MCM4: variants seen among roughly 807,000 people sequenced by gnomAD.
The protein encoded by MCM4 is DNA replication licensing factor MCM4.
In MCM4, 60 loss-of-function variants were observed where a neutral mutation model predicts 88.7. The observed-to-expected ratio is 0.68, with a 90% confidence interval of 0.55 to 0.84. MCM4 has a LOEUF of 0.84. Among genes scored for constraint, MCM4 ranks in the 40% least tolerant of loss-of-function variants. The pLI is 0.00. For missense variants in MCM4, 1,149 were observed against 1,105.5 expected (o/e 1.04, Z -0.56); for synonymous variants, 465 against 410.5 (o/e 1.13, Z -1.61).
chr8:47,969,789 T>C lies in MCM4; in HGVS notation c.1175-9T>C. On this transcript the variant is annotated splice_polypyrimidine_tract_variant and intron_variant, in intron 10 of 16. Transcript: ENST00000649973. ...AAGGTAAAAGTGCATCTCCTGGTTG[T>C]GCCCTCAGGCATCTATCGAGCTGTG... is the stretch of plus-strand genomic sequence containing the variant. 1 of 1,613,228 alleles carries C rather than the reference T, an allele frequency of 6.2e-7. No homozygotes were observed. Among genetic ancestry groups the C allele is most frequent in the Non-Finnish European group, 8.5e-7 (1 of 1,179,128 alleles).
At chr8:47,961,486 G>T (rs1180381615) in intron 2 of MCM4, 30 bp from the exon 3 acceptor site, 1 of 1,613,166 alleles carries the variant, frequency 6.2e-7, no homozygotes, top group South Asian at 1.1e-5. Flanking sequence ...GAAAGTTAAT[G>T]GCTGTCTTTT....
At chr8:47,962,439 G>A in intron 5 of MCM4, 33 bp downstream of exon 5, 1 of 1,602,150 alleles carries the variant, frequency 6.2e-7, no homozygotes, top group East Asian at 2.2e-5. Context: ...CTTACTTTGG[G>A]CTCTGAAAAT....
chr8:47,975,043 C>A, intron 15 of MCM4, 81 bp downstream of exon 15: 1 of 1,110,358 alleles, frequency 9.0e-7, no homozygotes. Context: ...TTTAAGCTAA[C>A]AGTTAAATCA....
chr8:47,972,431 C>T lies in MCM4; in HGVS notation c.1929-426C>T, dbSNP rs144327570. ...TCCACACCAGGCAAAGATGCTTCTC[C>T]CTGATGGCGCTCACAGGGTGCACAT... On this transcript the variant is annotated intron_variant, in intron 13 of 16. Transcript: ENST00000649973. 4.3e-4 allele frequency among the ~76,000 whole-genome samples: 65 copies of T among 152,166 alleles called. No individual in the cohort carries two copies. In the East Asian group the frequency reaches 0.012, roughly 28 times the overall value.
chr8:47,966,144 A>C, intron 8 of MCM4, 43 bp from the exon 9 acceptor site: 1 of 1,533,534 alleles, frequency 6.5e-7, no homozygotes, highest in Non-Finnish European at 9.0e-7. Flanking sequence ...CTGGACCTCC[A>C]CACCTCAGGT....
rs912644905 is a variant in MCM4, at chr8:47,976,618, T to C, written c.2500-68T>C. 23 of 1,104,056 alleles carry C rather than the reference T, an allele frequency of 2.1e-5. No homozygotes were observed. In the African/African-American group the frequency reaches 3.1e-4, roughly 15 times the overall value. 68.4% of individuals were successfully genotyped at this position (1,104,056 alleles called of 1,614,324 possible). A position where few individuals can be genotyped will look rare whatever the true frequency, so the allele number is the denominator to read the frequency against. ...GGGTGGTACTTTAACATTATAATTA[T>C]TGTGTTTCTAACAGGTAAAGGAGGG... On this transcript the variant is annotated intron_variant, in intron 16 of 16. Coordinates refer to ENST00000649973, the MANE Select transcript of MCM4 (RefSeq NM_182746.3).
In MCM4 at chr8:47,960,953, C is replaced by T; in HGVS notation, c.-76C>T. On this transcript the variant is annotated 5_prime_UTR_variant, in exon 1 of 17. Coordinates refer to ENST00000649973, the MANE Select transcript of MCM4 (RefSeq NM_182746.3). Reference sequence around the variant, plus strand: ...AACTCTGGGTCTCGCGGTTTGGGAGCGCTACTCGCCAGGTGGACTCGGAGT... The same window carrying T: ...AACTCTGGGTCTCGCGGTTTGGGAGTGCTACTCGCCAGGTGGACTCGGAGT... 3 of 551,036 alleles carry T rather than the reference C, an allele frequency of 5.4e-6. No homozygotes were observed. Among genetic ancestry groups the T allele is most frequent in the South Asian group, 5.3e-5 (2 of 37,534 alleles). The allele number at this position is 551,036 out of a possible 1,614,324, so 34.1% of individuals were successfully genotyped here. A position where few individuals can be genotyped will look rare whatever the true frequency, so the allele number is the denominator to read the frequency against.
intron 15 of MCM4, chr8:47,975,335 C>G (rs1303856345): frequency 7.3e-6 from 1 of 136,812 alleles, no homozygotes; most frequent in Non-Finnish European, 1.4e-5. Context: ...CCCCCTCCCC[C>G]CACCCCACAA....
chr8:47,974,436 G>T, intron 14 of MCM4: 1 of 325,518 alleles, frequency 3.1e-6, no homozygotes, highest in South Asian at 3.7e-5. Context: ...CCTCTGCCAC[G>T]CCATGCCCGT....
At position 47,964,602 on chromosome 8, in the gene MCM4, T is replaced by G. The variant is rs778025587; in HGVS notation, c.722T>G (p.Val241Gly). 2 of 1,598,584 alleles carry G rather than the reference T, an allele frequency of 1.3e-6. No individual in the cohort carries two copies. The highest frequency in any genetic ancestry group is 8.5e-7 in the Non-Finnish European group (1 of 1,176,224). ...QEVIPTFDMA[V>G]NEIFFDRYPD... is the part of the protein sequence containing the mutation. ...GTTATTCCAACTTTTGACATGGCTG[T>G]CAATGAAATCTTCTTTGACCGTTAC... is the stretch of plus-strand genomic sequence containing the variant. Residue 241 changes from valine (V) to glycine (G), a missense_variant, in exon 8 of 17, where the codon GTC becomes GGC. Physicochemically the swap from Val to Gly is moderately radical, Grantham distance 109 (BLOSUM62 -3). This residue lies in a region of MCM4 where 906 missense variants were observed against 843.0 expected (regional missense o/e 1.07). Coordinates refer to ENST00000649973, the MANE Select transcript of MCM4 (RefSeq NM_182746.3).
At position 47,964,615 on chromosome 8, in the gene MCM4, C is replaced by T. The variant is rs779447525; in HGVS notation, c.735C>T (p.Phe245=). ...TTGACATGGCTGTCAATGAAATCTT[C>T]TTTGACCGTTACCCTGACTCAATCT... ...PTFDMAVNEI[F]FDRYPDSILE... Residue 245 remains phenylalanine, a synonymous_variant, in exon 8 of 17, where the codon TTC becomes TTT. Coordinates refer to ENST00000649973, the MANE Select transcript of MCM4 (RefSeq NM_182746.3). The T allele has an allele frequency of 2.5e-6, 4 of 1,603,062 alleles. No individual in the cohort carries two copies. In the Admixed American group the frequency reaches 7.1e-5, roughly 28 times the overall value.
At chr8:47,969,673 C>T (rs1443108089) in intron 10 of MCM4, 125 bp from the exon 11 acceptor site, 2 of 905,612 alleles carry the variant, frequency 2.2e-6, no homozygotes, top group Admixed American at 2.2e-5. Flanking sequence ...GTGGAGCTCA[C>T]CCTTTCCAGG....
At chr8:47,971,538 G>A in intron 13 of MCM4, 70 bp downstream of exon 13, 4 of 1,528,914 alleles carry the variant, frequency 2.6e-6, no homozygotes, top group African/African-American at 1.4e-5. Flanking sequence ...GAGCTACTAA[G>A]ATTTCAGCAA....
At position 47,970,768 on chromosome 8, in the gene MCM4, C is replaced by T. The variant is rs1467045571; in HGVS notation, c.1692C>T (p.Val564=). 15 of 1,614,034 alleles carry T rather than the reference C, an allele frequency of 9.3e-6. No homozygotes were observed. The highest frequency in any genetic ancestry group is 1.3e-5 in the Non-Finnish European group (15 of 1,180,054). ...RQLVLQTGAL[V]LSDNGICCID... is the part of the protein sequence containing the mutation. ...TGGTCCTGCAGACAGGTGCTCTTGTCCTGAGTGACAACGGCATCTGCTGTA... is the reference window on the plus strand; with the variant it reads ...TGGTCCTGCAGACAGGTGCTCTTGTTCTGAGTGACAACGGCATCTGCTGTA... The change falls in exon 12 of 17, where the codon GTC becomes GTT. Residue 564 remains valine, a synonymous_variant. Coordinates refer to ENST00000649973, the MANE Select transcript of MCM4 (RefSeq NM_182746.3).
At chr8:47,975,100 G>A (rs2090990029) in intron 15 of MCM4, 138 bp downstream of exon 15, 3 of 625,340 alleles carry the variant, frequency 4.8e-6, no homozygotes, top group Non-Finnish European at 8.2e-6. Flanking sequence ...ACCCCTTTGA[G>A]AATCTGATGA....
In MCM4 at chr8:47,964,609, A is replaced by T. The variant is rs1477470726; in HGVS notation, c.729A>T (p.Glu243Asp). The change falls in exon 8 of 17, where the codon GAA becomes GAT. Residue 243 changes from glutamate (E) to aspartate (D), a missense_variant. Physicochemically the swap from Glu to Asp is conservative, Grantham distance 45. Transcript: ENST00000649973. The stretch of plus-strand genomic sequence containing the variant: ...CAACTTTTGACATGGCTGTCAATGA[A>T]ATCTTCTTTGACCGTTACCCTGACT... Reference protein sequence around the residue: ...VIPTFDMAVNEIFFDRYPDSI... With the variant: ...VIPTFDMAVNDIFFDRYPDSI... 4.4e-6 allele frequency: 7 copies of T among 1,600,928 alleles called. No individual in the cohort carries two copies. Among genetic ancestry groups the T allele is most frequent in the Non-Finnish European group, 8.5e-7 (1 of 1,176,860 alleles).
intron 11 of MCM4, 37 bp downstream of exon 11, chr8:47,970,094 A>T: frequency 6.2e-7 from 1 of 1,603,310 alleles, no homozygotes; most frequent in Non-Finnish European, 8.5e-7. Context: ...TGGGATTTAC[A>T]ATTCTTTGGG....
At chr8:47,964,435 C>A in intron 7 of MCM4, 139 bp from the exon 8 acceptor site, 1 of 537,800 alleles carries the variant, frequency 1.9e-6, no homozygotes, top group Non-Finnish European at 3.1e-6. Flanking sequence ...AATTTGAAAA[C>A]AGCACGTGCA....
intron 15 of MCM4, among the ~76,000 whole-genome samples, 159 bp downstream of exon 15, chr8:47,975,121 TTAATC>T (rs1171420288): frequency 6.6e-6 from 1 of 152,332 alleles, no homozygotes; most frequent in Non-Finnish European, 1.5e-5. Flanking sequence ...AAGTTGCCCT[TTAATC>T]TTATCTTGAT....
Sources: gnomAD v4.1 joint callset for allele counts (sites outside exome capture counted in the v4.1 genomes callset) on GRCh38, gnomAD v4.1.1 for gene constraint, gnomAD v4.1.1 regional missense constraint, MANE v1.5 for transcripts, NCBI Gene and HGNC (gene_info 2026-07-23, HGNC 2026-07-21) for gene names.